The following SHC2 variants were observed in gnomAD, a reference collection of about 807,000 sequenced individuals.
The protein encoded by SHC2 is SHC adaptor protein 2.
A neutral mutation model predicts 60.6 loss-of-function variants in SHC2; 62 were observed. That is an observed-to-expected ratio of 1.02 (90% CI 0.83 to 1.26). SHC2 has a LOEUF of 1.26. SHC2 is among the 50% of genes most tolerant of loss of function. SHC2 has a pLI of 0.00. For synonymous variants in SHC2, 375 were observed against 372.4 expected, an observed-to-expected ratio of 1.01 and a Z score of -0.08; for missense variants, 873 against 822.2, an observed-to-expected ratio of 1.06 and a Z score of -0.76.
intron 7 of SHC2, among the ~76,000 whole-genome samples, chr19:435,091 AGGCAGGTCGTT>A (rs1457610234): frequency 6.6e-6 from 1 of 152,186 alleles, no homozygotes; most frequent in African/African-American, 2.4e-5. Flanking sequence ...GTAGCACAAA[AGGCAGGTCGTT>A]GGCAAACCCA....
chr19:422,302 GT>G lies in SHC2; in HGVS notation c.1463del (p.Tyr488SerfsTer5). Reference protein sequence around the residue: ...TEEQLRQEPWYHGRMSRRAAE... With the variant: ...TEEQLRQEPWXHGRMSRRAAE... ...CCGCCCGGCGGCTCATCCGGCCGTG[GT>G]ACCAGGGCTCCTGACGCAGCTGTTC... is the stretch of plus-strand genomic sequence containing the variant. On this transcript the variant is annotated frameshift_variant, in exon 11 of 13. Coordinates refer to ENST00000264554, the MANE Select transcript of SHC2 (RefSeq NM_012435.3). LOFTEE classifies it high-confidence loss of function. The surrounding 1 kb of genome is among the most constrained non-coding windows in gnomAD (Gnocchi z 5.0). The G allele has an allele frequency of 1.2e-6, 2 of 1,611,964 alleles. No homozygotes were observed. The highest frequency in any genetic ancestry group is 1.7e-6 in the Non-Finnish European group (2 of 1,179,532).
At chr19:458,900 G>A (rs889494123) in intron 1 of SHC2, among the ~76,000 whole-genome samples, 7 of 152,040 alleles carry the variant, frequency 4.6e-5, no homozygotes, top group African/African-American at 1.7e-4. Flanking sequence ...CAGGCCGAGC[G>A]CGCCTGGGGA....
Position 425,185 on chromosome 19 carries a change from CG to C in SHC2, c.1220del (p.Pro407ArgfsTer37). 1.5e-5 allele frequency: 20 copies of C among 1,344,756 alleles called. No homozygotes were observed. In the South Asian group the frequency reaches 1.6e-4, roughly 11 times the overall value. The allele number at this position is 1,344,756 out of a possible 1,614,324, so 83.3% of individuals were successfully genotyped here. On this transcript the variant is annotated frameshift_variant, in exon 10 of 13. Coordinates refer to ENST00000264554, the MANE Select transcript of SHC2 (RefSeq NM_012435.3). LOFTEE classifies it high-confidence loss of function. This position sits in a 1 kb window ranked among gnomAD's most constrained non-coding sequence, Gnocchi z 4.1. ...GYVQADARGP[P>X]DHEEHLYVNT... is the part of the protein sequence containing the mutation. ...TGACATACAGGTGCTCCTCGTGGTC[CG>C]GGGGGCCCCGGGCGTCCGCCTGCAC...
At chr19:460,364 G>A (rs1388050017) in intron 1 of SHC2, among the ~76,000 whole-genome samples, 165 bp downstream of exon 1, 3 of 151,958 alleles carry the variant, frequency 2.0e-5, no homozygotes, top group Non-Finnish European at 4.4e-5. Flanking sequence ...CTCCGGGTGG[G>A]GGCAGCCGCC....
chr19:445,181 C>A lies in SHC2; in HGVS notation c.469-4249G>T, dbSNP rs1369346578. Among the ~76,000 whole-genome samples, 1 of 152,166 alleles carries A rather than the reference C, an allele frequency of 6.6e-6. No individual in the cohort carries two copies. Among genetic ancestry groups the A allele is most frequent in the Admixed American group, 6.5e-5 (1 of 15,284 alleles). ...TCGATCTAGGGCTGAATATCTGTGC[C>A]CCCCTCAAAATCCCTCTGTGGAAAC... On this transcript the variant is annotated intron_variant, in intron 1 of 12. Transcript: ENST00000264554. The surrounding 1 kb of genome is among the most constrained non-coding windows in gnomAD (Gnocchi z 4.4).
At chr19:434,096 G>A (rs1250815973) in intron 8 of SHC2, among the ~76,000 whole-genome samples, 2 of 136,650 alleles carry the variant, frequency 1.5e-5, no homozygotes, top group Non-Finnish European at 3.1e-5. Flanking sequence ...GCGCTTCATC[G>A]TGAGTGAGAT....
At position 440,800 on chromosome 19, in the gene SHC2, G is replaced by A. The variant is rs1974844641; in HGVS notation, c.539+62C>T. The stretch of plus-strand genomic sequence containing the variant: ...GAGAGCCCATCGCTGCCGCCCTCCA[G>A]TGCTGCCGCCCTCCAGTGCGTCACT... On this transcript the variant is annotated intron_variant, in intron 2 of 12. Transcript: ENST00000264554. This position sits in a 1 kb window ranked among gnomAD's most constrained non-coding sequence, Gnocchi z 7.0. The A allele has an allele frequency of 2.1e-6, 3 of 1,442,798 alleles. No individual in the cohort carries two copies. The Admixed American group carries it at 5.1e-5, about 24-fold the overall frequency. The allele number at this position is 1,442,798 out of a possible 1,614,324, so 89.4% of individuals were successfully genotyped here.
At chr19:454,278 G>T (rs1309027498) in intron 1 of SHC2, among the ~76,000 whole-genome samples, 2 of 152,182 alleles carry the variant, frequency 1.3e-5, no homozygotes, top group Non-Finnish European at 2.9e-5. Flanking sequence ...GGCAGTGCCG[G>T]GCTGGGCTCA....
intron 1 of SHC2, among the ~76,000 whole-genome samples, chr19:459,889 C>G (rs1975497027): frequency 6.6e-6 from 1 of 152,174 alleles, no homozygotes; most frequent in South Asian, 2.1e-4. Context: ...GGTGACTTCA[C>G]ACGGTTTACT....
Position 460,556 on chromosome 19 carries a change from C to A in SHC2, c.441G>T (p.Leu147=), listed in dbSNP as rs1328210652. The change falls in exon 1 of 13, where the codon CTG becomes CTT. Residue 147 remains leucine (L), a synonymous_variant. Transcript: ENST00000264554. The part of the protein sequence containing the change: ...HGWLHPDARV[L]GPGVSYVVRY... ...GCACGACGTAGGAGACCCCGGGCCC[C>A]AGGACCCTGGCGTCGGGGTGTAGCC... The A allele has an allele frequency of 7.1e-7, 1 of 1,416,780 alleles. No individual in the cohort carries two copies. Among genetic ancestry groups the A allele is most frequent in the Non-Finnish European group, 9.3e-7 (1 of 1,080,154 alleles). 87.8% of individuals were successfully genotyped at this position (1,416,780 alleles called of 1,614,324 possible). A position where few individuals can be genotyped will look rare whatever the true frequency, so the allele number is the denominator to read the frequency against.
At chr19:421,397 C>CAAAAAA (rs10582067) in intron 11 of SHC2, among the ~76,000 whole-genome samples, 12 of 120,088 alleles carry the variant, frequency 1.0e-4, no homozygotes, top group African/African-American at 1.3e-4. Flanking sequence ...GAGACTCCAT[C>CAAAAAA]AAAAAAAAAA....
Position 416,807 on chromosome 19 carries a change from G to C in SHC2, c.*521C>G, listed in dbSNP as rs949929384. ...CCCCGAGATCCCAGGTGACCTCAAG[G>C]CTGCCTGCACTTCAGCGCCAGCATG... On this transcript the variant is annotated 3_prime_UTR_variant, in exon 13 of 13. Transcript: ENST00000264554. The C allele has an allele frequency of 4.6e-5, 7 of 152,210 alleles. No individual in the cohort carries two copies. Among genetic ancestry groups the C allele is most frequent in the African/African-American group, 1.2e-4 (5 of 41,386 alleles). 9.4% of individuals were successfully genotyped at this position (152,210 alleles called of 1,614,324 possible). A position where few individuals can be genotyped will look rare whatever the true frequency, so the allele number is the denominator to read the frequency against.
At chr19:439,696 G>A (rs994242717) in intron 2 of SHC2, among the ~76,000 whole-genome samples, 44 of 152,198 alleles carry the variant, frequency 2.9e-4, no homozygotes, top group Admixed American at 1.3e-3. Flanking sequence ...CAGATGCAGC[G>A]GCTCCTGCCT....
intron 1 of SHC2, among the ~76,000 whole-genome samples, chr19:455,519 T>C (rs554547473): frequency 6.8e-4 from 103 of 152,332 alleles, no homozygotes; most frequent in Non-Finnish European, 1.1e-3. Flanking sequence ...ACGCCGCTGA[T>C]TATCCGGCGT....
At chr19:431,041 G>A (rs1020776617) in intron 8 of SHC2, among the ~76,000 whole-genome samples, 4 of 152,234 alleles carry the variant, frequency 2.6e-5, no homozygotes, top group African/African-American at 7.2e-5. Flanking sequence ...TGCTCTCCCA[G>A]GCAGCTCCTA....
intron 1 of SHC2, among the ~76,000 whole-genome samples, chr19:449,451 T>G (rs1285592614): frequency 2.0e-5 from 3 of 152,208 alleles, no homozygotes; most frequent in African/African-American, 7.2e-5. Context: ...CTGGTCACAT[T>G]TGAATACGCA....
intron 8 of SHC2, among the ~76,000 whole-genome samples, chr19:434,318 G>C (rs1157870206): frequency 2.6e-5 from 2 of 76,480 alleles, no homozygotes; most frequent in African/African-American, 1.1e-4. Context: ...GATCGTGACT[G>C]AGATCATGAG....
Position 422,133 on chromosome 19 carries a change from G to A in SHC2, c.1620+13C>T, listed in dbSNP as rs1332952720. On this transcript the variant is annotated intron_variant, in intron 11 of 12. Coordinates refer to ENST00000264554, the MANE Select transcript of SHC2 (RefSeq NM_012435.3). This position sits in a 1 kb window ranked among gnomAD's most constrained non-coding sequence, Gnocchi z 5.0. ...TGGATGCCCCGAGACCCTCCCACCT[G>A]TGCACAGCTTACCACGCCCTCGGGG... 6.3e-7 allele frequency: 1 copy of A among 1,590,800 alleles called. No homozygotes were observed.
Position 441,693 on chromosome 19 carries a change from G to A in SHC2, c.469-761C>T, listed in dbSNP as rs1193272550. Among the ~76,000 whole-genome samples the A allele has an allele frequency of 6.6e-6, 1 of 152,232 alleles. No homozygotes were observed. Among genetic ancestry groups the A allele is most frequent in the Non-Finnish European group, 1.5e-5 (1 of 68,036 alleles). Reference sequence around the variant, plus strand: ...GGGGAATGAAGGCTGACACGAACAGGTTTCCTACTGGGGTCATGAGAAATT... The same window carrying A: ...GGGGAATGAAGGCTGACACGAACAGATTTCCTACTGGGGTCATGAGAAATT... On this transcript the variant is annotated intron_variant, in intron 1 of 12. Transcript: ENST00000264554. The surrounding 1 kb of genome is among the most constrained non-coding windows in gnomAD (Gnocchi z 4.9).
Sources: gnomAD v4.1 joint callset for allele counts (sites outside exome capture counted in the v4.1 genomes callset) on GRCh38, gnomAD v4.1.1 for gene constraint, Gnocchi (gnomAD v3.1) non-coding constraint, MANE v1.5 for transcripts, NCBI Gene and HGNC (gene_info 2026-07-23, HGNC 2026-07-21) for gene names.